GRID1: variants seen among roughly 807,000 people sequenced by gnomAD.
GRID1 encodes glutamate receptor ionotropic, delta-1.
GRID1 carries 28 observed loss-of-function variants against 98.0 expected under a neutral mutation model. That is an observed-to-expected ratio of 0.29 (90% CI 0.21 to 0.39). GRID1 has a LOEUF of 0.39. Among genes scored for constraint, GRID1 ranks in the 10% least tolerant of loss-of-function variants. The pLI, the probability that GRID1 is intolerant of heterozygous loss-of-function variation, is 1.00. For missense variants in GRID1, 1,111 were observed against 1,340.5 expected (o/e 0.83, Z 2.67); for synonymous variants, 553 against 538.5 (o/e 1.03, Z -0.37).
At chr10:86,196,764 G>T (rs1254935164) in intron 3 of GRID1, among the ~76,000 whole-genome samples, 1 of 152,106 alleles carries the variant, frequency 6.6e-6, no homozygotes, top group African/African-American at 2.4e-5. Flanking sequence ...AAGGAGGAAG[G>T]TATAGACAGA....
chr10:85,808,327 G>A lies in GRID1; in HGVS notation c.1233+46169C>T, dbSNP rs549377185. On this transcript the variant is annotated intron_variant, in intron 8 of 15. Transcript: ENST00000327946. Reference sequence around the variant, plus strand: ...TAGAAATAAGAGTTTGTGGTACCAAGGTGAGAAAAATTTGTGAAGTATGTT... The same window carrying A: ...TAGAAATAAGAGTTTGTGGTACCAAAGTGAGAAAAATTTGTGAAGTATGTT... Among the ~76,000 whole-genome samples, 12 of 152,174 alleles carry A rather than the reference G, an allele frequency of 7.9e-5. No homozygotes were observed. The South Asian group carries it at 2.5e-3, about 32-fold the overall frequency.
At chr10:86,183,725 A>C (rs1019736964) in intron 3 of GRID1, among the ~76,000 whole-genome samples, 10 of 152,246 alleles carry the variant, frequency 6.6e-5, no homozygotes, top group African/African-American at 2.4e-4. Context: ...GGCTATTATG[A>C]ATTAAGCTGC....
chr10:86,310,645 C>A (rs1245561988), intron 2 of GRID1, among the ~76,000 whole-genome samples: 1 of 152,152 alleles, frequency 6.6e-6, no homozygotes, highest in Non-Finnish European at 1.5e-5. Flanking sequence ...ATGGTTTCTG[C>A]AAAGAGGATG....
Position 86,178,970 on chromosome 10 carries a change from A to G in GRID1, c.520+27394T>C, listed in dbSNP as rs192244440. Among the ~76,000 whole-genome samples the G allele has an allele frequency of 7.4e-3, 1,125 of 152,176 alleles. 10 individuals are homozygous for G. Among genetic ancestry groups the G allele is most frequent in the African/African-American group, 0.026 (1,065 of 41,530 alleles). ...TACCCTCAGGCCTTGCCCCAGCTGC[A>G]CACTCCTGGGGCTAATAGGAGAGCT... On this transcript the variant is annotated intron_variant, in intron 3 of 15. Transcript: ENST00000327946.
intron 4 of GRID1, among the ~76,000 whole-genome samples, chr10:85,989,121 C>G (rs1842647513): frequency 6.6e-6 from 1 of 152,220 alleles, no homozygotes; most frequent in South Asian, 2.1e-4. Flanking sequence ...TTGCCTGCTA[C>G]CTGGCACTGG....
intron 5 of GRID1, among the ~76,000 whole-genome samples, chr10:85,903,794 G>A (rs1841422191): frequency 6.6e-6 from 1 of 152,138 alleles, no homozygotes; most frequent in Admixed American, 6.5e-5. Flanking sequence ...CTCCCACTCA[G>A]AGACTTCACA....
At chr10:85,619,034 A>ATT (rs1842825889) in intron 14 of GRID1, among the ~76,000 whole-genome samples, 1 of 152,116 alleles carries the variant, frequency 6.6e-6, no homozygotes, top group African/African-American at 2.4e-5. Flanking sequence ...CTCATTTTGG[A>ATT]TTTGGGTGGA....
intron 15 of GRID1, among the ~76,000 whole-genome samples, chr10:85,608,714 G>A (rs1842700075): frequency 6.6e-6 from 1 of 152,152 alleles, no homozygotes; most frequent in African/African-American, 2.4e-5. Flanking sequence ...ACCATTACTG[G>A]CAATGTGGAG....
intron 3 of GRID1, among the ~76,000 whole-genome samples, chr10:86,198,695 A>G (rs1480548887): frequency 6.6e-6 from 1 of 152,218 alleles, no homozygotes; most frequent in African/African-American, 2.4e-5. Context: ...GGATTCAACA[A>G]GAAGACTGCT....
At chr10:86,026,156 T>C (rs1339752082) in intron 4 of GRID1, among the ~76,000 whole-genome samples, 3 of 152,244 alleles carry the variant, frequency 2.0e-5, no homozygotes, top group Non-Finnish European at 4.4e-5. Context: ...TATTGCATAA[T>C]TTATATACGT....
intron 2 of GRID1, among the ~76,000 whole-genome samples, chr10:86,350,223 C>T (rs1035667430): frequency 6.6e-6 from 1 of 152,184 alleles, no homozygotes; most frequent in African/African-American, 2.4e-5. Flanking sequence ...TTGTCGGGGT[C>T]CTTGGGGACT....
In GRID1 at chr10:85,665,000, C is replaced by A. The variant is rs1306193900; in HGVS notation, c.1998-17603G>T. ...GTATAACACAGTATATATTCACACA[C>A]AGATTATACAGTATACACTGTATAT... On this transcript the variant is annotated intron_variant, in intron 12 of 15. Coordinates refer to ENST00000327946, the MANE Select transcript of GRID1 (RefSeq NM_017551.3). Among the ~76,000 whole-genome samples, 4 of 152,254 alleles carry A rather than the reference C, an allele frequency of 2.6e-5. No homozygotes were observed. The East Asian group carries it at 7.7e-4, about 29-fold the overall frequency.
intron 8 of GRID1, among the ~76,000 whole-genome samples, chr10:85,826,429 A>G (rs1842820917): frequency 6.6e-6 from 1 of 152,236 alleles, no homozygotes; most frequent in Admixed American, 6.5e-5. Flanking sequence ...AGCATCCCCA[A>G]TGACATAACT....
chr10:85,986,251 A>T lies in GRID1; in HGVS notation c.727-70012T>A, dbSNP rs10509526. Reference sequence around the variant, plus strand: ...CCAAATTTAACCAAGAAAAACCTGAAAGGTAATGAAGTTGTCTCAGACCGC... The same window carrying T: ...CCAAATTTAACCAAGAAAAACCTGATAGGTAATGAAGTTGTCTCAGACCGC... On this transcript the variant is annotated intron_variant, in intron 4 of 15. Transcript: ENST00000327946. 4.6e-5 allele frequency among the ~76,000 whole-genome samples: 7 copies of T among 152,180 alleles called. 1 individual carries two copies. In the South Asian group the frequency reaches 1.5e-3, roughly 32 times the overall value.
intron 8 of GRID1, among the ~76,000 whole-genome samples, chr10:85,754,435 A>G (rs569934442): frequency 6.6e-6 from 1 of 152,312 alleles, no homozygotes; most frequent in Admixed American, 6.5e-5. Context: ...TACATATGAG[A>G]AAAAGGTTTG....
intron 3 of GRID1, among the ~76,000 whole-genome samples, chr10:86,173,585 T>TTTATTA (rs139782637): frequency 0.99 from 148,404 of 150,466 alleles, 73,199 homozygotes; most frequent in Middle Eastern, 1. Context: ...TTTATTTTAT[T>TTTATTA]TTATTATACT....
At chr10:86,023,593 A>G (rs1437157723) in intron 4 of GRID1, among the ~76,000 whole-genome samples, 3 of 152,044 alleles carry the variant, frequency 2.0e-5, no homozygotes, top group African/African-American at 7.3e-5. Context: ...CTGCTTGCTG[A>G]CAATACCTGC....
At chr10:86,002,818 C>A (rs918095474) in intron 4 of GRID1, among the ~76,000 whole-genome samples, 1 of 152,164 alleles carries the variant, frequency 6.6e-6, no homozygotes, top group Non-Finnish European at 1.5e-5. Context: ...TTTGTTTATT[C>A]CATCAGTAAA....
At chr10:85,647,138 C>G in intron 13 of GRID1, 64 bp downstream of exon 13, 1 of 1,355,546 alleles carries the variant, frequency 7.4e-7, no homozygotes, top group South Asian at 1.2e-5. Flanking sequence ...TGTCTCCCAC[C>G]TGGGGGCTGA....
Sources: allele counts gnomAD v4.1 joint callset (sites outside exome capture counted in the v4.1 genomes callset), GRCh38; gene constraint gnomAD v4.1.1; transcripts MANE v1.5; gene names NCBI Gene and HGNC (gene_info 2026-07-23, HGNC 2026-07-21).